LARP1B: variants seen among roughly 807,000 people sequenced by gnomAD.
LARP1B encodes the protein La ribonucleoprotein 1B.
In LARP1B, 76 loss-of-function variants were observed where a neutral mutation model predicts 114.2. The observed-to-expected ratio is 0.67, with a 90% CI of 0.55 to 0.81. LARP1B has a LOEUF of 0.81. Ranked by LOEUF, LARP1B falls within the 30% of genes least tolerant of loss-of-function variation. The probability of loss-of-function intolerance (pLI) is 0.00; values close to 1 mark genes in which losing one functional copy is unlikely to be tolerated. For missense variants in LARP1B, 1,014 were observed against 1,075.8 expected (o/e 0.94, Z 0.80); for synonymous variants, 345 against 348.0 (o/e 0.99, Z 0.10).
chr4:128,072,575 T>TA (rs758057159), intron 1 of LARP1B, among the ~76,000 whole-genome samples: 1 of 151,342 alleles, frequency 6.6e-6, no homozygotes, highest in African/African-American at 2.4e-5. Context: ...TTTTTTTTTT[T>TA]AATCAGAGTC....
intron 9 of LARP1B, among the ~76,000 whole-genome samples, chr4:128,112,685 G>T (rs1443684014): frequency 6.6e-6 from 1 of 151,736 alleles, no homozygotes; most frequent in Non-Finnish European, 1.5e-5. Flanking sequence ...TGTTGGTCAG[G>T]CTGGTCTCCA....
At chr4:128,096,028 C>A (rs1479016909) in intron 7 of LARP1B, among the ~76,000 whole-genome samples, 1 of 134,392 alleles carries the variant, frequency 7.4e-6, no homozygotes, top group Admixed American at 8.3e-5. Context: ...GAGTCTCGCT[C>A]TGTTGCCCAG....
intron 11 of LARP1B, among the ~76,000 whole-genome samples, chr4:128,158,516 G>C (rs1161835958): frequency 6.6e-6 from 1 of 152,090 alleles, no homozygotes; most frequent in Non-Finnish European, 1.5e-5. Context: ...TTAAAAAAGT[G>C]TCAAAAAGTA....
intron 17 of LARP1B, among the ~76,000 whole-genome samples, chr4:128,205,502 ATAGT>A (rs1282003268): frequency 8.5e-5 from 13 of 152,208 alleles, no homozygotes; most frequent in African/African-American, 2.9e-4. Context: ...GATTCTCAAG[ATAGT>A]TATAGACAGA....
At chr4:128,096,023 T>A (rs569530433) in intron 7 of LARP1B, among the ~76,000 whole-genome samples, 1 of 146,468 alleles carries the variant, frequency 6.8e-6, no homozygotes, top group East Asian at 2.0e-4. Context: ...AGACGGAGTC[T>A]CGCTCTGTTG....
At chr4:128,112,464 CTATTTTTTT>C (rs1784437488) in intron 9 of LARP1B, among the ~76,000 whole-genome samples, 1 of 80,870 alleles carries the variant, frequency 1.2e-5, no homozygotes, top group Non-Finnish European at 2.7e-5. Flanking sequence ...AATGCTTACT[CTATTTTTTT>C]TTTTTTTTTT....
chr4:128,166,264 G>A (rs1215158858), intron 12 of LARP1B, among the ~76,000 whole-genome samples: 5 of 151,416 alleles, frequency 3.3e-5, no homozygotes, highest in Non-Finnish European at 7.4e-5. Context: ...TTTAAATTCC[G>A]TATCTTATTT....
downstream of LARP1B, among the ~76,000 whole-genome samples, chr4:128,213,628 T>A (rs1389492276): frequency 2.6e-5 from 4 of 152,222 alleles, no homozygotes; most frequent in East Asian, 3.8e-4. Flanking sequence ...ACCCAAAATT[T>A]ATGAAAGTCC....
upstream of LARP1B, chr4:128,061,235 C>A (rs1052065692): frequency 6.6e-6 from 1 of 152,076 alleles, no homozygotes; most frequent in Non-Finnish European, 1.5e-5. Flanking sequence ...GGTGAGTAGC[C>A]ACGTCACGCT....
At chr4:128,076,931 T>C (rs577609201) in intron 3 of LARP1B, among the ~76,000 whole-genome samples, 88 of 152,198 alleles carry the variant, frequency 5.8e-4, no homozygotes, top group African/African-American at 2.1e-3. Flanking sequence ...TTTCGTCATG[T>C]GCCCAGGCTG....
At chr4:128,146,949 C>T (rs1215682351) in intron 11 of LARP1B, among the ~76,000 whole-genome samples, 3 of 152,158 alleles carry the variant, frequency 2.0e-5, no homozygotes, top group South Asian at 4.1e-4. Flanking sequence ...CTTAGTATTC[C>T]TGACCAAAAA....
intron 10 of LARP1B, among the ~76,000 whole-genome samples, chr4:128,120,046 T>C (rs559559298): frequency 6.6e-6 from 1 of 152,342 alleles, no homozygotes; most frequent in African/African-American, 2.4e-5. Context: ...TTAAAAAATA[T>C]ATATTCACAG....
At chr4:128,122,775 T>TG in intron 11 of LARP1B, 2 of 1,144,996 alleles carry the variant, frequency 1.7e-6, no homozygotes, top group Non-Finnish European at 2.1e-6. Context: ...CTTGTTCTAA[T>TG]TTTTTTTAAC....
intron 10 of LARP1B, among the ~76,000 whole-genome samples, chr4:128,116,415 G>A (rs1785850795): frequency 6.6e-6 from 1 of 152,100 alleles, no homozygotes; most frequent in Admixed American, 6.6e-5. Flanking sequence ...TTATTTCAAA[G>A]TAAAAGTTCA....
chr4:128,084,603 A>T (rs577967464), intron 5 of LARP1B, among the ~76,000 whole-genome samples: 229 of 151,872 alleles, frequency 1.5e-3, no homozygotes, highest in Non-Finnish European at 2.5e-3. Flanking sequence ...TCGGCATCAG[A>T]GGGAGACCGA....
At chr4:128,088,579 T>C (rs947091467) in intron 5 of LARP1B, among the ~76,000 whole-genome samples, 2 of 152,176 alleles carry the variant, frequency 1.3e-5, no homozygotes, top group African/African-American at 4.8e-5. Context: ...TTTTAATGCA[T>C]GTTTTCCAGC....
In LARP1B at chr4:128,210,821, C is replaced by T. The variant is rs750213988; in HGVS notation, c.*768C>T. 22 of 983,258 alleles carry T rather than the reference C, an allele frequency of 2.2e-5. No individual in the cohort carries two copies. Among genetic ancestry groups the T allele is most frequent in the African/African-American group, 3.5e-5 (2 of 57,080 alleles). 60.9% of individuals were successfully genotyped at this position (983,258 alleles called of 1,614,324 possible). On this transcript the variant is annotated 3_prime_UTR_variant, in exon 20 of 20. Transcript: ENST00000326639. ...GTTTATTTTTATGATTCTATATAAA[C>T]GTGCACGAGTAATTTAAAACCTGCA...
At chr4:128,082,804 CTTTTTT>C (rs33973592) in intron 5 of LARP1B, among the ~76,000 whole-genome samples, 5 of 141,318 alleles carry the variant, frequency 3.5e-5, no homozygotes, top group African/African-American at 1.3e-4. Context: ...TCATTTTCTT[CTTTTTT>C]TTTTTTTTTA....
rs773716744 is a variant in LARP1B at position 128,207,403 on chromosome 4, C to T, written c.2547+20C>T. On this transcript the variant is annotated intron_variant, in intron 19 of 19. Transcript: ENST00000326639. The stretch of plus-strand genomic sequence containing the variant: ...GTTGATGTAAGTTTTAAGTCATTTC[C>T]TCTATTCTTTTTATTATCCATATAT... The T allele has an allele frequency of 2.1e-6, 3 of 1,437,004 alleles. No individual in the cohort carries two copies. The highest frequency in any genetic ancestry group is 2.8e-6 in the Non-Finnish European group (3 of 1,084,150). 89.0% of individuals were successfully genotyped at this position (1,437,004 alleles called of 1,614,324 possible). A position where few individuals can be genotyped will look rare whatever the true frequency, so the allele number is the denominator to read the frequency against.
Sources: allele counts gnomAD v4.1 joint callset (sites outside exome capture counted in the v4.1 genomes callset), GRCh38; gene constraint gnomAD v4.1.1; transcripts MANE v1.5; gene names NCBI Gene and HGNC (gene_info 2026-07-23, HGNC 2026-07-21).